Variants in IGF2BP1 observed in about 807,000 individuals in gnomAD.
The protein encoded by IGF2BP1 is insulin like growth factor 2 mRNA binding protein 1.
IGF2BP1 carries 11 observed loss-of-function variants against 74.9 expected under a neutral mutation model. The ratio of observed to expected loss-of-function variants is 0.15; its 90% CI spans 0.09 to 0.24. The LOEUF (loss-of-function observed/expected upper bound fraction) is 0.24, where lower values mean the gene tolerates loss of function less well. IGF2BP1 is among the 10% of genes least tolerant of loss of function. The pLI is 1.00. For synonymous variants in IGF2BP1, 287 were observed against 281.8 expected, an observed-to-expected ratio of 1.02 and a Z score of -0.18; for missense variants, 440 against 757.4, an observed-to-expected ratio of 0.58 and a Z score of 4.92.
At chr17:49,038,134 T>C (rs375343167) in intron 5 of IGF2BP1, 34 bp from the exon 6 acceptor site, 1 of 1,434,780 alleles carries the variant, frequency 7.0e-7, no homozygotes, top group African/African-American at 1.5e-5. Flanking sequence ...TGGCATGGAT[T>C]GGAATGACCT....
Position 48,997,742 on chromosome 17 carries a change from C to T in IGF2BP1, c.-4C>T. 2 of 1,612,844 alleles carry T rather than the reference C, an allele frequency of 1.2e-6. No homozygotes were observed. Among genetic ancestry groups the T allele is most frequent in the Non-Finnish European group, 1.7e-6 (2 of 1,179,212 alleles). On this transcript the variant is annotated 5_prime_UTR_variant, in exon 1 of 15. Transcript: ENST00000290341. The surrounding 1 kb of genome is among the most constrained non-coding windows in gnomAD (Gnocchi z 4.8). ...GGACCGCGTCCTGCCCCGAGACCGCCACCATGAACAAGCTTTACATCGGCA... is the reference window on the plus strand; with the variant it reads ...GGACCGCGTCCTGCCCCGAGACCGCTACCATGAACAAGCTTTACATCGGCA...
intron 2 of IGF2BP1, among the ~76,000 whole-genome samples, chr17:49,004,086 C>CCGGCAATCTCGTCT (rs2041518179): frequency 6.6e-6 from 1 of 152,308 alleles, no homozygotes; most frequent in South Asian, 2.1e-4. Flanking sequence ...CAGTCCCAGC[C>CCGGCAATCTCGTCT]CGGCAATCTC....
Position 49,018,455 on chromosome 17 carries a change from T to A in IGF2BP1, c.237-7163T>A, listed in dbSNP as rs529307978. ...TTCCTTCTCTACTTGTTGAGATGCC[T>A]GCAGCCATGACTGAAGACTTGGATA... is the stretch of plus-strand genomic sequence containing the variant. On this transcript the variant is annotated intron_variant, in intron 2 of 14. Transcript: ENST00000290341. 1.2e-4 allele frequency among the ~76,000 whole-genome samples: 19 copies of A among 152,320 alleles called. No homozygotes were observed. The East Asian group carries it at 2.5e-3, about 20-fold the overall frequency.
rs748660281 is a variant in IGF2BP1, at chr17:48,997,713, C to T, written c.-33C>T. 4 of 1,603,032 alleles carry T rather than the reference C, an allele frequency of 2.5e-6. No homozygotes were observed. Among genetic ancestry groups the T allele is most frequent in the Non-Finnish European group, 2.6e-6 (3 of 1,173,878 alleles). On this transcript the variant is annotated 5_prime_UTR_variant, in exon 1 of 15. Transcript: ENST00000290341. The surrounding 1 kb of genome is among the most constrained non-coding windows in gnomAD (Gnocchi z 4.8). ...GCCCGCGCCCGCTCGTTCGGCCTTG[C>T]CCGGGACCGCGTCCTGCCCCGAGAC...
intron 1 of IGF2BP1, among the ~76,000 whole-genome samples, chr17:48,998,354 C>A (rs959359753): frequency 1.5e-4 from 23 of 152,354 alleles, no homozygotes; most frequent in African/African-American, 5.5e-4. Context: ...CCTTTCCAGG[C>A]GTGGAAGGGG....
At chr17:49,037,689 G>A (rs925531437) in intron 5 of IGF2BP1, among the ~76,000 whole-genome samples, 5 of 152,198 alleles carry the variant, frequency 3.3e-5, no homozygotes, top group African/African-American at 1.2e-4. Flanking sequence ...CATCTCTAAA[G>A]TTAGGAGTAT....
chr17:49,032,953 C>A (rs1002175925), intron 5 of IGF2BP1, among the ~76,000 whole-genome samples: 3 of 152,000 alleles, frequency 2.0e-5, no homozygotes, highest in Admixed American at 2.0e-4. Flanking sequence ...GTAGGTGGGA[C>A]TACAGACATG....
chr17:49,011,165 A>C (rs1055941019), intron 2 of IGF2BP1, among the ~76,000 whole-genome samples: 17 of 124,400 alleles, frequency 1.4e-4, no homozygotes, highest in East Asian at 6.2e-4. Flanking sequence ...AAAAAAAAAA[A>C]AACAAACCCT....
intron 6 of IGF2BP1, 120 bp from the exon 7 acceptor site, chr17:49,039,837 G>A: frequency 9.5e-7 from 1 of 1,056,634 alleles, no homozygotes; most frequent in Admixed American, 2.2e-5. Context: ...GTACTTGATT[G>A]TCCTTGTTTC....
chr17:49,025,996 C>T (rs926449773), intron 3 of IGF2BP1, among the ~76,000 whole-genome samples: 1 of 151,778 alleles, frequency 6.6e-6, no homozygotes, highest in Non-Finnish European at 1.5e-5. Context: ...GCTGGGATTA[C>T]AGGCGTGTAC....
In IGF2BP1 at chr17:49,038,187, G is replaced by A; in HGVS notation, c.421G>A (p.Gly141Ser). ...QTRQAIMKLN[G>S]HQLENHALKV... The stretch of plus-strand genomic sequence containing the variant: ...CCCCAGAGCCATCATGAAGCTGAAT[G>A]GCCACCAGTTGGAGAACCATGCCCT... The change falls in exon 6 of 15, where the codon GGC becomes AGC. Residue 141 changes from glycine (G) to serine (S), a missense_variant. Around this residue, in one of 5 missense-constraint regions of IGF2BP1, gnomAD observed 105 missense variants for 199.4 expected, o/e 0.53. Coordinates refer to ENST00000290341, the MANE Select transcript of IGF2BP1 (RefSeq NM_006546.4). The A allele has an allele frequency of 6.6e-7, 1 of 1,512,328 alleles. No individual in the cohort carries two copies. Among genetic ancestry groups the A allele is most frequent in the Non-Finnish European group, 8.9e-7 (1 of 1,126,824 alleles). 93.7% of individuals were successfully genotyped at this position (1,512,328 alleles called of 1,614,324 possible).
rs773230831 is a variant in IGF2BP1 at position 49,055,430 on chromosome 17, CCT to C, written c.*5987_*5988del. On this transcript the variant is annotated 3_prime_UTR_variant, in exon 15 of 15. Coordinates refer to ENST00000290341, the MANE Select transcript of IGF2BP1 (RefSeq NM_006546.4). ...TCCCAGCCAGCTGACTTCAGTCACC[CCT>C]GTCCCCCCTCCCCTGCCAATAAGCT... 4.5e-5 allele frequency: 17 copies of C among 377,596 alleles called. No individual in the cohort carries two copies. Among genetic ancestry groups the C allele is most frequent in the Non-Finnish European group, 7.5e-5 (16 of 213,364 alleles). 23.4% of individuals were successfully genotyped at this position (377,596 alleles called of 1,614,324 possible). A position where few individuals can be genotyped will look rare whatever the true frequency, so the allele number is the denominator to read the frequency against.
At chr17:49,043,603 T>C in intron 10 of IGF2BP1, 53 bp downstream of exon 10, 1 of 1,592,158 alleles carries the variant, frequency 6.3e-7, no homozygotes. Context: ...GTGGCCTCCC[T>C]TAAGGGGGAC....
rs1255981478 is a variant in IGF2BP1 at position 49,050,867 on chromosome 17, AT to A, written c.*1424del. ...AAATGAGGTTAGGCCTCTCCTCCTAATATACTGATTGACAATGCATATTAGC... is the reference window on the plus strand; with the variant it reads ...AAATGAGGTTAGGCCTCTCCTCCTAAATACTGATTGACAATGCATATTAGC... On this transcript the variant is annotated 3_prime_UTR_variant, in exon 15 of 15. Coordinates refer to ENST00000290341, the MANE Select transcript of IGF2BP1 (RefSeq NM_006546.4). 6.6e-6 allele frequency: 1 copy of A among 152,620 alleles called. No individual in the cohort carries two copies. Among genetic ancestry groups the A allele is most frequent in the African/African-American group, 2.4e-5 (1 of 41,420 alleles). The allele number at this position is 152,620 out of a possible 1,614,324, so 9.5% of individuals were successfully genotyped here.
At chr17:49,021,955 T>G (rs1204777832) in intron 2 of IGF2BP1, among the ~76,000 whole-genome samples, 1 of 152,148 alleles carries the variant, frequency 6.6e-6, no homozygotes, top group Non-Finnish European at 1.5e-5. Flanking sequence ...AGTGCAGAAG[T>G]AAAATCTTAA....
intron 2 of IGF2BP1, chr17:49,014,874 T>A (rs1598131458): frequency 1.0e-6 from 1 of 985,330 alleles, no homozygotes. Context: ...TGGAGGCTGG[T>A]CTGGTTTCCT....
At chr17:48,999,336 A>C (rs1018661615) in intron 2 of IGF2BP1, among the ~76,000 whole-genome samples, 167 bp downstream of exon 2, 1 of 137,440 alleles carries the variant, frequency 7.3e-6, no homozygotes, top group Admixed American at 7.7e-5. Flanking sequence ...AAGATCTTGT[A>C]ATGGGTGGTT....
intron 11 of IGF2BP1, among the ~76,000 whole-genome samples, chr17:49,044,446 G>A (rs963648697): frequency 1.3e-5 from 2 of 152,182 alleles, no homozygotes; most frequent in Admixed American, 6.5e-5. Flanking sequence ...ATGAGGCTAC[G>A]CAGCCAAAGC....
intron 11 of IGF2BP1, among the ~76,000 whole-genome samples, chr17:49,044,732 A>T (rs2042091503): frequency 1.3e-5 from 2 of 152,106 alleles, no homozygotes; most frequent in Non-Finnish European, 2.9e-5. Flanking sequence ...TCTCTGGGAG[A>T]TTGGTAGGTG....
Sources: gnomAD v4.1 joint callset for allele counts (sites outside exome capture counted in the v4.1 genomes callset) on GRCh38, gnomAD v4.1.1 for gene constraint, gnomAD v4.1.1 regional missense constraint, Gnocchi (gnomAD v3.1) non-coding constraint, MANE v1.5 for transcripts, NCBI Gene and HGNC (gene_info 2026-07-23, HGNC 2026-07-21) for gene names.